The following ADAMTS19 variants were observed in gnomAD, a reference collection of about 807,000 sequenced individuals.
The protein encoded by ADAMTS19 is A disintegrin and metalloproteinase with thrombospondin motifs 19.
In ADAMTS19, 93 loss-of-function variants were observed where a neutral mutation model predicts 153.3. The observed-to-expected ratio is 0.61, with a 90% CI of 0.51 to 0.72. ADAMTS19 has a LOEUF of 0.72. Among genes scored for constraint, ADAMTS19 ranks in the 30% least tolerant of loss-of-function variants. The probability of loss-of-function intolerance (pLI) is 0.00; values close to 1 mark genes in which losing one functional copy is unlikely to be tolerated. For missense variants in ADAMTS19, 1,482 were observed against 1,552.1 expected, an observed-to-expected ratio of 0.95 and a Z score of 0.76; for synonymous variants, 600 against 556.6, an observed-to-expected ratio of 1.08 and a Z score of -1.10.
intron 18 of ADAMTS19, among the ~76,000 whole-genome samples, chr5:129,694,319 C>A (rs1755462105): frequency 6.6e-6 from 1 of 152,004 alleles, no homozygotes; most frequent in African/African-American, 2.4e-5. Context: ...TAACATGTAA[C>A]AAACCTGCAG....
chr5:129,501,699 TA>T (rs995224869), intron 2 of ADAMTS19, among the ~76,000 whole-genome samples: 2 of 152,122 alleles, frequency 1.3e-5, no homozygotes, highest in Non-Finnish European at 2.9e-5. Context: ...GAAGCTGACT[TA>T]TTTTTTTTCA....
At chr5:129,622,398 T>G (rs1401642080) in intron 10 of ADAMTS19, 50 bp downstream of exon 10, 1 of 1,598,364 alleles carries the variant, frequency 6.3e-7, no homozygotes, top group Non-Finnish European at 8.6e-7. Context: ...TTTAGAAGTA[T>G]TGATTGGTAG....
chr5:129,723,418 A>G (rs1269442346), intron 21 of ADAMTS19, among the ~76,000 whole-genome samples: 1 of 152,218 alleles, frequency 6.6e-6, no homozygotes, highest in East Asian at 1.9e-4. Context: ...GGGTTTAAGA[A>G]GGTATATTTC....
At chr5:129,648,688 GTAAA>G in intron 12 of ADAMTS19, 106 bp from the exon 13 acceptor site, 1 of 790,474 alleles carries the variant, frequency 1.3e-6, no homozygotes, top group Non-Finnish European at 1.9e-6. Flanking sequence ...GTTTTCAAAA[GTAAA>G]TATAATATAA....
intron 7 of ADAMTS19, among the ~76,000 whole-genome samples, chr5:129,558,008 T>C (rs777880357): frequency 6.6e-6 from 1 of 152,072 alleles, no homozygotes; most frequent in Non-Finnish European, 1.5e-5. Flanking sequence ...CATATGATCA[T>C]CTTGTTTGGA....
chr5:129,710,662 C>T (rs1255927976), intron 21 of ADAMTS19, among the ~76,000 whole-genome samples: 2 of 152,138 alleles, frequency 1.3e-5, no homozygotes, highest in African/African-American at 4.8e-5. Flanking sequence ...TATACAGAAG[C>T]TTGTCACTTC....
chr5:129,526,334 C>A lies in ADAMTS19; in HGVS notation c.964C>A (p.Arg322=). The A allele has an allele frequency of 2.5e-6, 4 of 1,597,548 alleles. No individual in the cohort carries two copies. The East Asian group carries it at 6.9e-5, about 28-fold the overall frequency. ...RKIAESGRGK[R]YSYKLPQEYN... is the part of the protein sequence containing the mutation. ...AATAGCAGAAAGTGGAAGAGGGAAA[C>A]GATATTCATACAAATTACCTCAAGA... Residue 322 remains arginine (R), a synonymous_variant, in exon 4 of 23, where the codon CGA becomes AGA. Transcript: ENST00000274487.
chr5:129,566,268 A>G (rs1412795890), intron 7 of ADAMTS19, among the ~76,000 whole-genome samples: 2 of 152,162 alleles, frequency 1.3e-5, no homozygotes, highest in Admixed American at 6.5e-5. Flanking sequence ...TTTGATTTGC[A>G]TCATAGAAAA....
At chr5:129,560,427 A>G (rs1237241569) in intron 7 of ADAMTS19, among the ~76,000 whole-genome samples, 2 of 152,132 alleles carry the variant, frequency 1.3e-5, no homozygotes, top group Non-Finnish European at 2.9e-5. Flanking sequence ...CTCACCTTGA[A>G]CAGGCATTAT....
intron 21 of ADAMTS19, among the ~76,000 whole-genome samples, chr5:129,724,595 G>A (rs940210350): frequency 6.6e-6 from 1 of 152,246 alleles, no homozygotes; most frequent in South Asian, 2.1e-4. Flanking sequence ...CATGCCAGGG[G>A]CAGACACACA....
rs546163920 is a variant in ADAMTS19 at position 129,695,589 on chromosome 5, C to T, written c.2954+734C>T. Among the ~76,000 whole-genome samples, 9 of 152,250 alleles carry T rather than the reference C, an allele frequency of 5.9e-5. No homozygotes were observed. The South Asian group carries it at 1.2e-3, about 21-fold the overall frequency. ...GTATAATTTTGGACCAGCCTAGCAA[C>T]GAGGCTACTTGGCATGGCTGCCAAC... On this transcript the variant is annotated intron_variant, in intron 19 of 22. Coordinates refer to ENST00000274487, the MANE Select transcript of ADAMTS19 (RefSeq NM_133638.6).
At chr5:129,607,928 GGTGT>G (rs1217702201) in intron 8 of ADAMTS19, among the ~76,000 whole-genome samples, 2 of 147,968 alleles carry the variant, frequency 1.4e-5, no homozygotes, top group Non-Finnish European at 3.0e-5. Flanking sequence ...AAGAAAATGT[GGTGT>G]GTGTGTGTGT....
At chr5:129,579,360 T>A (rs1444347845) in intron 7 of ADAMTS19, among the ~76,000 whole-genome samples, 1 of 152,232 alleles carries the variant, frequency 6.6e-6, no homozygotes, top group Non-Finnish European at 1.5e-5. Flanking sequence ...ATGGATAGAT[T>A]GCAAAAATGT....
chr5:129,654,509 G>A, intron 14 of ADAMTS19, 76 bp downstream of exon 14: 1 of 1,497,698 alleles, frequency 6.7e-7, no homozygotes, highest in Non-Finnish European at 9.0e-7. Flanking sequence ...TTCACAGCAT[G>A]GTGGAAAGCT....
chr5:129,631,158 A>AG (rs200757645), intron 10 of ADAMTS19, among the ~76,000 whole-genome samples: 155 of 129,908 alleles, frequency 1.2e-3, no homozygotes, highest in African/African-American at 3.5e-3. Flanking sequence ...GGAAAATTTT[A>AG]GGTTTTTTTT....
chr5:129,725,364 G>A (rs1161268890), intron 21 of ADAMTS19, among the ~76,000 whole-genome samples: 2 of 151,972 alleles, frequency 1.3e-5, no homozygotes, highest in Admixed American at 1.3e-4. Context: ...CATGCACAAC[G>A]GCCGGCTCAC....
At chr5:129,714,842 C>A (rs1466527568) in intron 21 of ADAMTS19, among the ~76,000 whole-genome samples, 1 of 152,166 alleles carries the variant, frequency 6.6e-6, no homozygotes, top group Non-Finnish European at 1.5e-5. Context: ...GCATAATTTG[C>A]TAACCATATT....
At chr5:129,534,412 T>C (rs1206529240) in intron 6 of ADAMTS19, among the ~76,000 whole-genome samples, 1 of 152,142 alleles carries the variant, frequency 6.6e-6, no homozygotes, top group African/African-American at 2.4e-5. Context: ...TAACAGGCTC[T>C]GAAATTGAGG....
At chr5:129,499,092 T>C (rs986431928) in intron 2 of ADAMTS19, among the ~76,000 whole-genome samples, 6 of 152,036 alleles carry the variant, frequency 3.9e-5, no homozygotes, top group African/African-American at 1.2e-4. Context: ...GGTAAACAAC[T>C]AAGAAGTAGA....
Sources: allele counts gnomAD v4.1 joint callset (sites outside exome capture counted in the v4.1 genomes callset), GRCh38; gene constraint gnomAD v4.1.1; transcripts MANE v1.5; gene names NCBI Gene and HGNC (gene_info 2026-07-23, HGNC 2026-07-21).